The following MCPH1 variants were observed in gnomAD, a reference collection of about 807,000 sequenced individuals.
MCPH1 encodes the protein microcephalin 1.
MCPH1 carries 104 observed loss-of-function variants against 84.5 expected under a neutral mutation model. The ratio of observed to expected loss-of-function variants is 1.23; its 90% confidence interval spans 1.05 to 1.45. The LOEUF (loss-of-function observed/expected upper bound fraction) is 1.45, where lower values mean the gene tolerates loss of function less well. MCPH1 is among the 40% of genes most tolerant of loss of function. The probability of loss-of-function intolerance (pLI) is 0.00; values close to 1 mark genes in which losing one functional copy is unlikely to be tolerated. For missense variants in MCPH1, 1,498 were observed against 1,005.7 expected, an observed-to-expected ratio of 1.49 and a Z score of -6.62; for synonymous variants, 514 against 366.8, an observed-to-expected ratio of 1.40 and a Z score of -4.58.
At chr8:6,589,991 TG>T (rs1828307634) in intron 12 of MCPH1, among the ~76,000 whole-genome samples, 1 of 152,222 alleles carries the variant, frequency 6.6e-6, no homozygotes, top group South Asian at 2.1e-4. Flanking sequence ...GACATGGCAC[TG>T]TCCCCGAAAC....
intron 12 of MCPH1, among the ~76,000 whole-genome samples, chr8:6,589,144 G>GT (rs1160521826): frequency 3.9e-5 from 6 of 152,294 alleles, no homozygotes; most frequent in Non-Finnish European, 7.4e-5. Context: ...GGGGAAGACA[G>GT]TTTTTTTCTG....
chr8:6,566,110 C>T (rs563859079), intron 12 of MCPH1, among the ~76,000 whole-genome samples: 1 of 152,172 alleles, frequency 6.6e-6, no homozygotes, highest in Admixed American at 6.5e-5. Context: ...GCGTGCTGGG[C>T]TCCAATAAAG....
intron 12 of MCPH1, among the ~76,000 whole-genome samples, chr8:6,542,430 C>A (rs567089907): frequency 6.6e-6 from 1 of 152,046 alleles, no homozygotes; most frequent in South Asian, 2.1e-4. Flanking sequence ...GCTTGGTGGG[C>A]AATGGCGGGA....
chr8:6,540,140 C>T (rs996960569), intron 12 of MCPH1, among the ~76,000 whole-genome samples: 3 of 152,164 alleles, frequency 2.0e-5, no homozygotes, highest in Admixed American at 2.0e-4. Flanking sequence ...ATCCTATCCG[C>T]TTTGCTCTTC....
At chr8:6,480,314 C>T (rs1427014408) in intron 10 of MCPH1, among the ~76,000 whole-genome samples, 2 of 151,938 alleles carry the variant, frequency 1.3e-5, no homozygotes, top group South Asian at 2.1e-4. Context: ...TTAGTAGAGA[C>T]GGGGTTTCAC....
chr8:6,456,938 T>A (rs943947839), intron 9 of MCPH1, among the ~76,000 whole-genome samples: 5 of 152,132 alleles, frequency 3.3e-5, no homozygotes, highest in African/African-American at 1.2e-4. Flanking sequence ...AAATGGCATA[T>A]GAATGGGAGA....
chr8:6,627,324 C>A, intron 13 of MCPH1: 1 of 980,970 alleles, frequency 1.0e-6, no homozygotes, highest in Non-Finnish European at 1.2e-6. Flanking sequence ...TGGAGAGTGG[C>A]AGAGAGGAGA....
chr8:6,540,974 C>A (rs1015306435), intron 12 of MCPH1, among the ~76,000 whole-genome samples: 1 of 152,256 alleles, frequency 6.6e-6, no homozygotes, highest in Non-Finnish European at 1.5e-5. Flanking sequence ...CCCCAGGGGG[C>A]AGGTGGAGCC....
chr8:6,633,967 G>A (rs950218384), intron 13 of MCPH1, among the ~76,000 whole-genome samples: 1 of 152,210 alleles, frequency 6.6e-6, no homozygotes, highest in Non-Finnish European at 1.5e-5. Context: ...TAAGTGTGAA[G>A]CGTCTTACAG....
chr8:6,539,531 C>A (rs558269705), intron 12 of MCPH1, among the ~76,000 whole-genome samples: 1 of 152,152 alleles, frequency 6.6e-6, no homozygotes, highest in Admixed American at 6.6e-5. Flanking sequence ...CTTTTAAGCA[C>A]TTCCTGAAAT....
At chr8:6,512,594 G>A (rs1306821908) in intron 12 of MCPH1, among the ~76,000 whole-genome samples, 1 of 152,140 alleles carries the variant, frequency 6.6e-6, no homozygotes, top group Admixed American at 6.5e-5. Flanking sequence ...TCACTTCTCT[G>A]CCCCTCCCGT....
intron 8 of MCPH1, among the ~76,000 whole-genome samples, chr8:6,452,678 A>G (rs1419687082): frequency 6.6e-6 from 1 of 152,246 alleles, no homozygotes; most frequent in African/African-American, 2.4e-5. Context: ...CATTATAAAA[A>G]GACCAGAGAA....
rs569007811 is a variant in MCPH1, at chr8:6,455,321, A to G, written c.1935+69A>G. 1.2e-3 allele frequency: 1,282 copies of G among 1,113,328 alleles called. 2 individuals carry two copies. The highest frequency in any genetic ancestry group is 1.6e-3 in the Non-Finnish European group (1,185 of 727,950). 69.0% of individuals were successfully genotyped at this position (1,113,328 alleles called of 1,614,324 possible). ...CATCATAATGTTCTTCTCTGGGTCA[A>G]TGAAACATAAACCAGTCTATCTGAC... On this transcript the variant is annotated intron_variant, in intron 9 of 13. Coordinates refer to ENST00000344683, the MANE Select transcript of MCPH1 (RefSeq NM_024596.5).
intron 1 of MCPH1, among the ~76,000 whole-genome samples, chr8:6,407,304 T>C (rs939845793): frequency 3.9e-5 from 6 of 152,058 alleles, no homozygotes; most frequent in Non-Finnish European, 8.8e-5. Flanking sequence ...GTGCTTAGGC[T>C]AGTATGGTAT....
chr8:6,587,675 T>C (rs749749402), intron 12 of MCPH1, among the ~76,000 whole-genome samples: 7 of 152,200 alleles, frequency 4.6e-5, no homozygotes, highest in African/African-American at 1.7e-4. Context: ...AAGTTCCTGA[T>C]GATAAGGTTG....
chr8:6,573,920 T>C (rs1215575014), intron 12 of MCPH1, among the ~76,000 whole-genome samples: 2 of 152,254 alleles, frequency 1.3e-5, no homozygotes, highest in East Asian at 3.8e-4. Context: ...GGTCCCAGGC[T>C]GATCATCTTA....
chr8:6,603,002 C>T (rs1002804016), intron 12 of MCPH1, among the ~76,000 whole-genome samples: 7 of 151,748 alleles, frequency 4.6e-5, no homozygotes, highest in Admixed American at 2.6e-4. Context: ...TGTGTGTGGC[C>T]GGTGTACTAT....
At chr8:6,513,585 G>T in intron 12 of MCPH1, 5 of 969,068 alleles carry the variant, frequency 5.2e-6, no homozygotes, top group African/African-American at 1.7e-5. Context: ...TGCCCACCTC[G>T]GCCTCCCAAA....
intron 3 of MCPH1, among the ~76,000 whole-genome samples, chr8:6,426,747 C>T (rs1244595908): frequency 6.6e-6 from 1 of 152,118 alleles, no homozygotes; most frequent in Non-Finnish European, 1.5e-5. Context: ...CCTTTCACTC[C>T]ACGTCTTCAC....
Sources: allele counts gnomAD v4.1 joint callset (sites outside exome capture counted in the v4.1 genomes callset), GRCh38; gene constraint gnomAD v4.1.1; transcripts MANE v1.5; gene names NCBI Gene and HGNC (gene_info 2026-07-23, HGNC 2026-07-21).